The following CDK14 variants were observed in gnomAD, a reference collection of about 807,000 sequenced individuals.
CDK14 encodes the protein cyclin-dependent kinase 14.
In CDK14, 34 loss-of-function variants were observed where a neutral mutation model predicts 60.7. That is an observed-to-expected ratio of 0.56 (90% confidence interval 0.43 to 0.75). The LOEUF (loss-of-function observed/expected upper bound fraction) is 0.75, where lower values mean the gene tolerates loss of function less well. Among genes scored for constraint, CDK14 ranks in the 30% least tolerant of loss-of-function variants. The pLI is 0.00. For missense variants in CDK14, 482 were observed against 564.1 expected (o/e 0.85, Z 1.47); for synonymous variants, 197 against 203.7 (o/e 0.97, Z 0.28).
rs752028566 is a variant in CDK14, at chr7:91,188,191, TAA to T, written c.*29-18966_*29-18965del. 9.7e-3 allele frequency among the ~76,000 whole-genome samples: 1,469 copies of T among 152,146 alleles called. 32 individuals are homozygous for T. The highest frequency in any genetic ancestry group is 0.032 in the African/African-American group (1,345 of 41,506). ...GGTTACTGTGTGATTCATTTTTTTT[TAA>T]AAAAAAAGAACTTTGATTTCTTGTG... On this transcript the variant is annotated intron_variant, in intron 14 of 14. Transcript: ENST00000380050.
At chr7:90,747,652 G>T (rs376491207) in intron 3 of CDK14, 29 bp from the exon 4 acceptor site, 1 of 1,306,522 alleles carries the variant, frequency 7.7e-7, no homozygotes. Flanking sequence ...GATACAATCT[G>T]TTTTGTTTAC....
chr7:90,975,909 G>A (rs1005154208), intron 9 of CDK14, among the ~76,000 whole-genome samples: 3 of 152,028 alleles, frequency 2.0e-5, no homozygotes, highest in Admixed American at 1.3e-4. Context: ...CATTGTGCTT[G>A]TAGACCATAT....
intron 2 of CDK14, among the ~76,000 whole-genome samples, chr7:90,649,297 T>TTTCCTTCC (rs1800546365): frequency 1.4e-5 from 1 of 69,332 alleles, no homozygotes; most frequent in Non-Finnish European, 2.5e-5. Flanking sequence ...TCTTTCTTTC[T>TTTCCTTCC]TTCTTTCTTT....
In CDK14 at chr7:91,128,064, A is replaced by G. The variant is rs531621768; in HGVS notation, c.*28+9856A>G. Among the ~76,000 whole-genome samples the G allele has an allele frequency of 2.6e-5, 4 of 152,322 alleles. No homozygotes were observed. The South Asian group carries it at 8.3e-4, about 32-fold the overall frequency. Reference sequence around the variant, plus strand: ...CATCTTGTTAAGTCACAAATGCCACAGCTGCAAGTCTTTCTGGCTGAACAC... The same window carrying G: ...CATCTTGTTAAGTCACAAATGCCACGGCTGCAAGTCTTTCTGGCTGAACAC... On this transcript the variant is annotated intron_variant, in intron 14 of 14. Transcript: ENST00000380050.
intron 12 of CDK14, among the ~76,000 whole-genome samples, chr7:91,111,303 G>A (rs1799462475): frequency 6.6e-6 from 1 of 152,134 alleles, no homozygotes; most frequent in Admixed American, 6.6e-5. Context: ...GTTGAGGAGG[G>A]GAAGGAGGAG....
Position 90,686,676 on chromosome 7 carries a change from A to G in CDK14, c.124-39891A>G, listed in dbSNP as rs1389019760. On this transcript the variant is annotated intron_variant, in intron 2 of 14. Coordinates refer to ENST00000380050, the MANE Select transcript of CDK14 (RefSeq NM_001287135.2). ...CAACTAAATGAATTAACCAGAAAGC[A>G]TAATATAGAGTGCATAAGATGAAAT... is the stretch of plus-strand genomic sequence containing the variant. 3.3e-5 allele frequency among the ~76,000 whole-genome samples: 5 copies of G among 152,322 alleles called. No individual in the cohort carries two copies. In the South Asian group the frequency reaches 8.3e-4, roughly 25 times the overall value.
intron 2 of CDK14, among the ~76,000 whole-genome samples, chr7:90,668,907 T>C (rs1801045786): frequency 6.6e-6 from 1 of 151,586 alleles, no homozygotes; most frequent in Admixed American, 6.6e-5. Context: ...TTTTTTACAA[T>C]TTTTATTAGA....
At chr7:90,668,546 G>A (rs993715058) in intron 2 of CDK14, among the ~76,000 whole-genome samples, 2 of 151,898 alleles carry the variant, frequency 1.3e-5, no homozygotes, top group Admixed American at 1.3e-4. Flanking sequence ...TCTTTTGTTT[G>A]TATTTTTCGT....
rs540951005 is a variant in CDK14, at chr7:91,201,539, A to C, written c.*29-5626A>C. Among the ~76,000 whole-genome samples the C allele has an allele frequency of 1.0e-3, 156 of 152,200 alleles. 1 individual carries two copies. Among genetic ancestry groups the C allele is most frequent in the African/African-American group, 3.4e-3 (141 of 41,566 alleles). ...AGGGCAATGCAGCAGGAAAAAAAAAAAACAACAAAACACAGTCAAACAAAC... is the reference window on the plus strand; with the variant it reads ...AGGGCAATGCAGCAGGAAAAAAAAACAACAACAAAACACAGTCAAACAAAC... On this transcript the variant is annotated intron_variant, in intron 14 of 14. Coordinates refer to ENST00000380050, the MANE Select transcript of CDK14 (RefSeq NM_001287135.2).
chr7:90,621,613 T>TCC (rs1463314724), intron 2 of CDK14, among the ~76,000 whole-genome samples: 1 of 128,266 alleles, frequency 7.8e-6, no homozygotes, highest in Non-Finnish European at 1.6e-5. Context: ...TCAGACTTTT[T>TCC]TTCCTTCCTT....
At chr7:90,669,588 C>T (rs1395296804) in intron 2 of CDK14, among the ~76,000 whole-genome samples, 1 of 152,096 alleles carries the variant, frequency 6.6e-6, no homozygotes, top group Non-Finnish European at 1.5e-5. Flanking sequence ...CATGAAGAAA[C>T]GTGAGCCAAG....
rs567126801 is a variant in CDK14, at chr7:90,612,800, A to C, written c.123+8551A>C. Reference sequence around the variant, plus strand: ...AAAAAAAAAAAAAAAAAAAGATTTTATATTACTTTCTGTACTGTTTTATTT... The same window carrying C: ...AAAAAAAAAAAAAAAAAAAGATTTTCTATTACTTTCTGTACTGTTTTATTT... On this transcript the variant is annotated intron_variant, in intron 2 of 14. Coordinates refer to ENST00000380050, the MANE Select transcript of CDK14 (RefSeq NM_001287135.2). Among the ~76,000 whole-genome samples the C allele has an allele frequency of 4.8e-4, 71 of 148,288 alleles. No individual in the cohort carries two copies. The East Asian group carries it at 8.5e-3, about 18-fold the overall frequency.
In CDK14 at chr7:90,722,598, T is replaced by G. The variant is rs1319900111; in HGVS notation, c.124-3969T>G. On this transcript the variant is annotated intron_variant, in intron 2 of 14. Coordinates refer to ENST00000380050, the MANE Select transcript of CDK14 (RefSeq NM_001287135.2). ...TTTAAGAATATTTATGGGAAATATT[T>G]TAAGTTGAGAACCTTGTTAAATTTT... is the stretch of plus-strand genomic sequence containing the variant. 2.1e-5 allele frequency among the ~76,000 whole-genome samples: 3 copies of G among 142,552 alleles called. No individual in the cohort carries two copies. In the East Asian group the frequency reaches 6.3e-4, roughly 30 times the overall value. 93.5% of individuals were successfully genotyped at this position (142,552 alleles called of 152,430 possible).
At chr7:91,154,506 A>G (rs1034323626) in intron 14 of CDK14, among the ~76,000 whole-genome samples, 1 of 152,184 alleles carries the variant, frequency 6.6e-6, no homozygotes, top group African/African-American at 2.4e-5. Context: ...TTGCTGGTAC[A>G]TATTGCCACC....
chr7:90,759,545 A>G (rs776123173), intron 4 of CDK14, among the ~76,000 whole-genome samples: 21 of 152,198 alleles, frequency 1.4e-4, no homozygotes, highest in Non-Finnish European at 2.9e-4. Context: ...ACTACCTCTC[A>G]CAACCTCAAG....
At chr7:91,057,308 C>T (rs1428517847) in intron 11 of CDK14, among the ~76,000 whole-genome samples, 1 of 152,018 alleles carries the variant, frequency 6.6e-6, no homozygotes, top group Non-Finnish European at 1.5e-5. Flanking sequence ...GATATTAGCC[C>T]TTTGTCAGAT....
intron 2 of CDK14, among the ~76,000 whole-genome samples, chr7:90,660,221 C>T (rs1800841408): frequency 6.6e-6 from 1 of 152,102 alleles, no homozygotes; most frequent in Non-Finnish European, 1.5e-5. Context: ...ATCACACCCC[C>T]TGGGGTCAAA....
chr7:90,612,771 CAAAAAAAAAAAAA>C (rs531162992), intron 2 of CDK14, among the ~76,000 whole-genome samples: 2 of 91,744 alleles, frequency 2.2e-5, no homozygotes, highest in Non-Finnish European at 4.2e-5. Flanking sequence ...GACTCTGTCT[CAAAAAAAAAAAAA>C]AAAAAAAAAG....
chr7:91,078,198 T>C (rs1015281138), intron 11 of CDK14, among the ~76,000 whole-genome samples: 1 of 152,252 alleles, frequency 6.6e-6, no homozygotes, highest in Non-Finnish European at 1.5e-5. Context: ...GGATATTTGC[T>C]GAAGTATTGT....
Sources: gnomAD v4.1 joint callset for allele counts (sites outside exome capture counted in the v4.1 genomes callset) on GRCh38, gnomAD v4.1.1 for gene constraint, MANE v1.5 for transcripts, NCBI Gene and HGNC (gene_info 2026-07-23, HGNC 2026-07-21) for gene names.